The following ESR1 variants were observed in gnomAD, a reference collection of about 807,000 sequenced individuals.
ESR1 encodes the protein estrogen receptor.
In ESR1, 12 loss-of-function variants were observed where a neutral mutation model predicts 52.7. The ratio of observed to expected loss-of-function variants is 0.23; its 90% confidence interval spans 0.15 to 0.37. The LOEUF is 0.37. ESR1 is among the 10% of genes least tolerant of loss of function. ESR1 has a pLI of 1.00. For missense variants in ESR1, 584 were observed against 779.7 expected (o/e 0.75, Z 2.99); for synonymous variants, 305 against 316.8 (o/e 0.96, Z 0.39).
At chr6:151,877,660 A>G (rs902381946) in intron 2 of ESR1, among the ~76,000 whole-genome samples, 2 of 152,176 alleles carry the variant, frequency 1.3e-5, no homozygotes, top group African/African-American at 2.4e-5. Flanking sequence ...GACTCAGCCA[A>G]CTGGTCTCTG....
chr6:152,123,278 A>G (rs181568153), intron 6 of ESR1, among the ~76,000 whole-genome samples: 1 of 152,322 alleles, frequency 6.6e-6, no homozygotes, highest in East Asian at 1.9e-4. Flanking sequence ...CGGGTTCCAA[A>G]GCTGTACGAA....
intron 2 of ESR1, among the ~76,000 whole-genome samples, chr6:151,864,724 G>A (rs1384652611): frequency 6.6e-6 from 1 of 152,158 alleles, no homozygotes; most frequent in African/African-American, 2.4e-5. Flanking sequence ...TTAAGAAAAT[G>A]TGGCACATAT....
At chr6:152,111,161 G>A (rs1322044648) in intron 6 of ESR1, among the ~76,000 whole-genome samples, 1 of 152,124 alleles carries the variant, frequency 6.6e-6, no homozygotes, top group Admixed American at 6.5e-5. Context: ...GCCCAGGAAG[G>A]GACCACAGCC....
At chr6:151,939,208 T>G (rs1381552830) in intron 3 of ESR1, among the ~76,000 whole-genome samples, 1 of 152,206 alleles carries the variant, frequency 6.6e-6, no homozygotes, top group Non-Finnish European at 1.5e-5. Flanking sequence ...TTCTTGACTG[T>G]CAAGAGGCTG....
At chr6:152,063,469 T>C (rs2047710310) in intron 6 of ESR1, among the ~76,000 whole-genome samples, 1 of 152,194 alleles carries the variant, frequency 6.6e-6, no homozygotes, top group Non-Finnish European at 1.5e-5. Context: ...GCGGATCTGC[T>C]GCTGAGCAGG....
intron 1 of ESR1, among the ~76,000 whole-genome samples, chr6:151,823,043 A>G (rs898469516): frequency 3.9e-5 from 6 of 152,270 alleles, no homozygotes; most frequent in African/African-American, 1.4e-4. Flanking sequence ...CAGGATGCCC[A>G]GGTAAACTGG....
intron 6 of ESR1, among the ~76,000 whole-genome samples, chr6:152,073,216 C>T (rs1361375650): frequency 6.6e-6 from 1 of 152,180 alleles, no homozygotes; most frequent in Non-Finnish European, 1.5e-5. Flanking sequence ...ATAAGTAATA[C>T]CCATACAGCA....
At chr6:151,917,646 A>G (rs1392863732) in intron 3 of ESR1, among the ~76,000 whole-genome samples, 2 of 152,098 alleles carry the variant, frequency 1.3e-5, no homozygotes, top group Admixed American at 6.6e-5. Context: ...ATGATTTGAC[A>G]TGCAGTTAAA....
chr6:151,775,721 G>A (rs1345561177), intron 2 of ESR1, among the ~76,000 whole-genome samples: 2 of 151,462 alleles, frequency 1.3e-5, no homozygotes, highest in African/African-American at 4.9e-5. Context: ...ACTCCAGCCT[G>A]GGTGACAAAT....
chr6:151,892,743 C>T (rs1794876010), intron 3 of ESR1, among the ~76,000 whole-genome samples: 1 of 152,088 alleles, frequency 6.6e-6, no homozygotes, highest in Non-Finnish European at 1.5e-5. Context: ...GATTAAATAT[C>T]GCATAGGCTA....
At chr6:151,919,835 G>A (rs1296417117) in intron 3 of ESR1, among the ~76,000 whole-genome samples, 1 of 152,094 alleles carries the variant, frequency 6.6e-6, no homozygotes, top group Non-Finnish European at 1.5e-5. Flanking sequence ...AGTAAGCAAG[G>A]AAGAAAAGAA....
intron 2 of ESR1, among the ~76,000 whole-genome samples, chr6:151,704,320 C>A (rs937651120): frequency 6.6e-6 from 1 of 152,202 alleles, no homozygotes; most frequent in African/African-American, 2.4e-5. Context: ...TCACTGCAAC[C>A]TCTGCCTCCC....
intron 6 of ESR1, among the ~76,000 whole-genome samples, chr6:152,079,613 A>C (rs2049029231): frequency 6.6e-6 from 1 of 152,210 alleles, no homozygotes; most frequent in African/African-American, 2.4e-5. Flanking sequence ...CTCACCAGCA[A>C]GGGAACAAAA....
chr6:151,995,349 C>T (rs2041386874), intron 4 of ESR1, among the ~76,000 whole-genome samples: 1 of 152,150 alleles, frequency 6.6e-6, no homozygotes, highest in Non-Finnish European at 1.5e-5. Flanking sequence ...ATCCATCCTT[C>T]CATCCATTCG....
intron 5 of ESR1, among the ~76,000 whole-genome samples, chr6:152,034,439 T>C (rs1027525964): frequency 5.9e-5 from 9 of 152,186 alleles, no homozygotes; most frequent in Admixed American, 5.2e-4. Flanking sequence ...TTTGTTTTAA[T>C]TTTTATCTTC....
intron 1 of ESR1, among the ~76,000 whole-genome samples, chr6:151,668,851 T>C (rs1777920800): frequency 6.6e-6 from 1 of 152,022 alleles, no homozygotes; most frequent in African/African-American, 2.4e-5. Flanking sequence ...GAACTTGGCC[T>C]TTGAACATGG....
chr6:152,090,029 C>G (rs2152486203), intron 6 of ESR1, among the ~76,000 whole-genome samples: 1 of 152,336 alleles, frequency 6.6e-6, no homozygotes, highest in South Asian at 2.1e-4. Context: ...CAGCCTCGGG[C>G]TGTCCAAACA....
chr6:152,113,347 A>G (rs2051169789), intron 6 of ESR1, among the ~76,000 whole-genome samples: 1 of 152,208 alleles, frequency 6.6e-6, no homozygotes, highest in African/African-American at 2.4e-5. Flanking sequence ...GAAAGGAGTA[A>G]GAGTCCCTGA....
intron 5 of ESR1, among the ~76,000 whole-genome samples, chr6:152,012,984 G>A (rs2042903085): frequency 6.6e-6 from 1 of 152,166 alleles, no homozygotes. Flanking sequence ...TTGTCATTTT[G>A]TGTTAACACA....
Sources: gnomAD v4.1 joint callset for allele counts (sites outside exome capture counted in the v4.1 genomes callset) on GRCh38, gnomAD v4.1.1 for gene constraint, MANE v1.5 for transcripts, NCBI Gene and HGNC (gene_info 2026-07-23, HGNC 2026-07-21) for gene names.